PAPLN: variants seen among roughly 807,000 people sequenced by gnomAD.
PAPLN encodes the protein papilin.
A neutral mutation model predicts 159.0 loss-of-function variants in PAPLN; 146 were observed. That is an observed-to-expected ratio of 0.92 (90% CI 0.80 to 1.05). The LOEUF (loss-of-function observed/expected upper bound fraction) is 1.05, where lower values mean the gene tolerates loss of function less well. Ranked by LOEUF, PAPLN falls within the 50% of genes least tolerant of loss-of-function variation. The probability of loss-of-function intolerance (pLI) is 0.00; values close to 1 mark genes in which losing one functional copy is unlikely to be tolerated. For synonymous variants in PAPLN, 734 were observed against 702.9 expected (o/e 1.04, Z -0.70); for missense variants, 1,720 against 1,743.9 (o/e 0.99, Z 0.24).
intron 22 of PAPLN, among the ~76,000 whole-genome samples, chr14:73,264,959 G>C (rs1887068284): frequency 6.6e-6 from 1 of 152,254 alleles, no homozygotes; most frequent in African/African-American, 2.4e-5. Flanking sequence ...AGGAAGGGAA[G>C]GGCACACACA....
Position 73,245,910 on chromosome 14 carries a change from G to A in PAPLN, c.232-163G>A. The A allele has an allele frequency of 4.6e-6, 4 of 873,620 alleles. No homozygotes were observed. Among genetic ancestry groups the A allele is most frequent in the South Asian group, 3.6e-5 (2 of 55,788 alleles). The allele number at this position is 873,620 out of a possible 1,614,324, so 54.1% of individuals were successfully genotyped here. ...CCACAGCCTAGAGCACCATGGAGGG[G>A]CACGCACAGGAGTTCGGGGGTCCGG... On this transcript the variant is annotated intron_variant, in intron 4 of 26. Transcript: ENST00000644200. This position sits in a 1 kb window ranked among gnomAD's most constrained non-coding sequence, Gnocchi z 4.2.
chr14:73,258,618 T>TTAAAAAAAAAAA (rs1886187433), intron 14 of PAPLN, among the ~76,000 whole-genome samples: 6 of 75,766 alleles, frequency 7.9e-5, no homozygotes, highest in African/African-American at 3.2e-4. Flanking sequence ...ACCCTATCTC[T>TTAAAAAAAAAAA]AAAAAAAAAA....
Position 73,245,590 on chromosome 14 carries a change from G to T in PAPLN, c.171-46G>T. The T allele has an allele frequency of 6.5e-7, 1 of 1,541,778 alleles. No homozygotes were observed. The highest frequency in any genetic ancestry group is 1.2e-5 in the South Asian group (1 of 83,872). ...GCAGAGAGCCCCAGAACGGGGGCAG[G>T]GACGTTGGGTCTCGGTCAGGTCTTC... On this transcript the variant is annotated intron_variant, in intron 3 of 26. Transcript: ENST00000644200. This position sits in a 1 kb window ranked among gnomAD's most constrained non-coding sequence, Gnocchi z 4.2.
Position 73,250,999 on chromosome 14 carries a change from A to G in PAPLN, c.558A>G (p.Ala186=). ...GGDGTTCYPV[A]GTFDANDLSR... ...ACGGCACGACCTGCTACCCCGTCGC[A>G]GGCACCTTTGACGCTAATGACCTCA... The change falls in exon 7 of 27, where the codon GCA becomes GCG. Residue 186 remains alanine (A), a synonymous_variant. Coordinates refer to ENST00000644200, the MANE Select transcript of PAPLN (RefSeq NM_001365906.3). The G allele has an allele frequency of 6.2e-7, 1 of 1,613,420 alleles. No individual in the cohort carries two copies. Among genetic ancestry groups the G allele is most frequent in the Non-Finnish European group, 8.5e-7 (1 of 1,179,752 alleles).
Position 73,245,888 on chromosome 14 carries a change from C to A in PAPLN, c.232-185C>A. ...TCCCGGGGACTGGCCTTGCCCTCCA[C>A]AGCCTAGAGCACCATGGAGGGGCAC... On this transcript the variant is annotated intron_variant, in intron 4 of 26. Transcript: ENST00000644200. This position sits in a 1 kb window ranked among gnomAD's most constrained non-coding sequence, Gnocchi z 4.2. The A allele has an allele frequency of 2.3e-6, 2 of 877,686 alleles. No individual in the cohort carries two copies. The highest frequency in any genetic ancestry group is 3.4e-6 in the Non-Finnish European group (2 of 589,162). 54.4% of individuals were successfully genotyped at this position (877,686 alleles called of 1,614,324 possible).
chr14:73,255,500 T>A (rs1885805205), intron 14 of PAPLN, among the ~76,000 whole-genome samples: 1 of 152,114 alleles, frequency 6.6e-6, no homozygotes, highest in South Asian at 2.1e-4. Flanking sequence ...GGAAGGAGTG[T>A]CTCCACATGC....
At chr14:73,248,652 G>A (rs1245865273) in intron 5 of PAPLN, among the ~76,000 whole-genome samples, 1 of 151,596 alleles carries the variant, frequency 6.6e-6, no homozygotes, top group Non-Finnish European at 1.5e-5. Flanking sequence ...AAAATACGAA[G>A]ATTAGCCAGG....
rs370211816 is a variant in PAPLN at position 73,251,786 on chromosome 14, C to T, written c.793C>T (p.Pro265Ser). Reference sequence around the variant, plus strand: ...GCGGGGTGCTGAGGGGGACCTGGCCCCTGAGCGACTCCATGCCCGGGGCCC... The same window carrying T: ...GCGGGGTGCTGAGGGGGACCTGGCCTCTGAGCGACTCCATGCCCGGGGCCC... ...YERGAEGDLA[P>S]ERLHARGPTS... Residue 265 changes from proline to serine, a missense_variant, in exon 9 of 27, where the codon CCT becomes TCT. Pro to Ser is a moderately conservative substitution (Grantham distance 74). Coordinates refer to ENST00000644200, the MANE Select transcript of PAPLN (RefSeq NM_001365906.3). The T allele has an allele frequency of 3.1e-5, 50 of 1,607,756 alleles. No homozygotes were observed. In the African/African-American group the frequency reaches 6.4e-4, roughly 21 times the overall value.
chr14:73,245,332 G>A lies in PAPLN; in HGVS notation c.171-304G>A. 1 of 398,168 alleles carries A rather than the reference G, an allele frequency of 2.5e-6. No individual in the cohort carries two copies. The highest frequency in any genetic ancestry group is 4.8e-5 in the East Asian group (1 of 20,726). The allele number at this position is 398,168 out of a possible 1,614,324, so 24.7% of individuals were successfully genotyped here. A position where few individuals can be genotyped will look rare whatever the true frequency, so the allele number is the denominator to read the frequency against. ...AGATCGCAGGATGGCTGTGCCAAGC[G>A]GGTGGGTATTATATCTCATGCACCT... On this transcript the variant is annotated intron_variant, in intron 3 of 26. Coordinates refer to ENST00000644200, the MANE Select transcript of PAPLN (RefSeq NM_001365906.3). The surrounding 1 kb of genome is among the most constrained non-coding windows in gnomAD (Gnocchi z 4.2).
In PAPLN at chr14:73,254,935, C is replaced by T. The variant is rs755558439; in HGVS notation, c.1544C>T (p.Pro515Leu). ...RRRQVICAIGPPSHCGSLQHS... is the reference protein window; with the variant it reads ...RRRQVICAIGLPSHCGSLQHS... ...CGACAGGTCATCTGTGCCATTGGGC[C>T]GCCCAGCCACTGCGGGAGCCTGCAG... Residue 515 changes from proline (P) to leucine (L), a missense_variant, in exon 14 of 27, where the codon CCG becomes CTG. Physicochemically the swap from Pro to Leu is moderately conservative, Grantham distance 98 (BLOSUM62 -3). Transcript: ENST00000644200. 5.6e-6 allele frequency: 9 copies of T among 1,613,362 alleles called. No homozygotes were observed. The highest frequency in any genetic ancestry group is 3.3e-5 in the South Asian group (3 of 91,080).
At chr14:73,262,287 GA>G (rs1254840250) in intron 18 of PAPLN, 62 bp from the exon 19 acceptor site, 1 of 1,470,660 alleles carries the variant, frequency 6.8e-7, no homozygotes, top group Non-Finnish European at 9.3e-7. Flanking sequence ...AGGCTGAGAG[GA>G]TGGAGGGTGC....
At position 73,245,406 on chromosome 14, in the gene PAPLN, T is replaced by G; in HGVS notation, c.171-230T>G. 8.9e-6 allele frequency: 5 copies of G among 561,688 alleles called. No homozygotes were observed. Among genetic ancestry groups the G allele is most frequent in the Non-Finnish European group, 1.3e-5 (4 of 313,814 alleles). The allele number at this position is 561,688 out of a possible 1,614,324, so 34.8% of individuals were successfully genotyped here. On this transcript the variant is annotated intron_variant, in intron 3 of 26. Coordinates refer to ENST00000644200, the MANE Select transcript of PAPLN (RefSeq NM_001365906.3). This position sits in a 1 kb window ranked among gnomAD's most constrained non-coding sequence, Gnocchi z 4.2. Reference sequence around the variant, plus strand: ...TAAGATGCAGTGGAGTGGTCCCGCCTTAAATCCAAACTATAGGGTGGGTAG... The same window carrying G: ...TAAGATGCAGTGGAGTGGTCCCGCCGTAAATCCAAACTATAGGGTGGGTAG...
At chr14:73,260,559 T>C (rs1179194404) in intron 16 of PAPLN, 150 bp from the exon 17 acceptor site, 5 of 1,012,676 alleles carry the variant, frequency 4.9e-6, no homozygotes, top group Non-Finnish European at 6.4e-6. Flanking sequence ...GCACACAAAA[T>C]GGCCTGCCCT....
In PAPLN at chr14:73,262,660, G is replaced by T; in HGVS notation, c.2556G>T (p.Trp852Cys). 6.7e-7 allele frequency: 1 copy of T among 1,503,094 alleles called. No individual in the cohort carries two copies. The highest frequency in any genetic ancestry group is 8.9e-7 in the Non-Finnish European group (1 of 1,123,274). The allele number at this position is 1,503,094 out of a possible 1,614,324, so 93.1% of individuals were successfully genotyped here. Residue 852 changes from tryptophan to cysteine, a missense_variant, in exon 19 of 27, where the codon TGG (tryptophan) becomes TGT (cysteine). By Grantham distance (215) the Trp-to-Cys change is radical (BLOSUM62 -2). Transcript: ENST00000644200. ...GGGCCGCGGTGCAGAGAAAGCCCTG[G>T]CCTTCTGGTGGTCTCTGGCGGCAAG... ...RTGAAVQRKP[W>C]PSGGLWRQDQ...
upstream of PAPLN, among the ~76,000 whole-genome samples, chr14:73,236,186 G>A (rs139502499): frequency 6.6e-6 from 1 of 151,772 alleles, no homozygotes; most frequent in African/African-American, 2.4e-5. Flanking sequence ...GGTAGGCAAA[G>A]AGTGTCTTGG....
rs145278528 is a variant in PAPLN, at chr14:73,272,629, C to T, written c.3802C>T (p.Arg1268Cys). ...YSSFCCASCSRFQPHAQPIWQ is the reference protein window; with the variant it reads ...YSSFCCASCSCFQPHAQPIWQ ...CAGCTTCTGCTGTGCCAGCTGTTCA[C>T]GTTTCCAGCCTCACGCTCAGCCCAT... Residue 1268 changes from arginine (R) to cysteine (C), a missense_variant, in exon 27 of 27, where the codon CGT becomes TGT. Arg to Cys is a radical substitution (Grantham distance 180). Coordinates refer to ENST00000644200, the MANE Select transcript of PAPLN (RefSeq NM_001365906.3). 7.5e-4 allele frequency: 1,191 copies of T among 1,591,054 alleles called. 1 individual carries two copies. The highest frequency in any genetic ancestry group is 9.1e-4 in the Non-Finnish European group (1,062 of 1,161,572).
chr14:73,262,975 C>A, intron 19 of PAPLN, 148 bp downstream of exon 19: 1 of 682,466 alleles, frequency 1.5e-6, no homozygotes, highest in Non-Finnish European at 2.2e-6. Flanking sequence ...GGCCTTGTTG[C>A]CATCATTCTA....
rs1038390751 is a variant in PAPLN, at chr14:73,264,400, G to C, written c.2986+65G>C. ...GCCCGAGTGGGAAGGCCAGGATGGG[G>C]AGCCTGACCGAGGGCTGCCTCACGC... On this transcript the variant is annotated intron_variant, in intron 21 of 26. Transcript: ENST00000644200. The C allele has an allele frequency of 2.5e-5, 39 of 1,569,706 alleles. 1 individual carries two copies. The Admixed American group carries it at 6.7e-4, about 27-fold the overall frequency.
rs527724061 is a variant in PAPLN at position 73,262,421 on chromosome 14, G to A, written c.2317G>A (p.Val773Ile). The change falls in exon 19 of 27, where the codon GTT (valine) becomes ATT (isoleucine). Residue 773 changes from valine to isoleucine, a missense_variant. Coordinates refer to ENST00000644200, the MANE Select transcript of PAPLN (RefSeq NM_001365906.3). ...AGACTGGGCTGCCCGCTGGTACTTC[G>A]TTGCCTCTGTGGGCCAATGTAACCG... ...CADWAARWYFVASVGQCNRFW... is the reference protein window; with the variant it reads ...CADWAARWYFIASVGQCNRFW... The A allele has an allele frequency of 1.2e-4, 193 of 1,613,982 alleles. No homozygotes were observed. The Middle Eastern group carries it at 1.7e-3, about 14-fold the overall frequency.
Sources: allele counts gnomAD v4.1 joint callset (sites outside exome capture counted in the v4.1 genomes callset), GRCh38; gene constraint gnomAD v4.1.1; non-coding constraint Gnocchi (gnomAD v3.1); transcripts MANE v1.5; gene names NCBI Gene and HGNC (gene_info 2026-07-23, HGNC 2026-07-21).